The following CNST variants were observed in gnomAD, a reference collection of about 807,000 sequenced individuals.
CNST encodes consortin, connexin sorting protein, also known as consortin.
In CNST, 39 loss-of-function variants were observed where a neutral mutation model predicts 72.4. That is an observed-to-expected ratio of 0.54 (90% CI 0.42 to 0.70). The LOEUF (loss-of-function observed/expected upper bound fraction) is 0.70. CNST is among the 30% of genes least tolerant of loss of function. CNST has a pLI of 0.00. For missense variants in CNST, 871 were observed against 868.5 expected, an observed-to-expected ratio of 1.00 and a Z score of -0.04; for synonymous variants, 332 against 320.1, an observed-to-expected ratio of 1.04 and a Z score of -0.40.
intron 1 of CNST, among the ~76,000 whole-genome samples, chr1:246,584,914 T>G (rs1661036959): frequency 6.6e-6 from 1 of 152,248 alleles, no homozygotes; most frequent in African/African-American, 2.4e-5. Context: ...TTTTGGATTA[T>G]ATACTGAATA....
chr1:246,608,145 C>G (rs1331425680), intron 2 of CNST: 2 of 151,934 alleles, frequency 1.3e-5, no homozygotes, highest in Admixed American at 6.6e-5. Flanking sequence ...ACATAGAGAA[C>G]CTGTCTCTAC....
Position 246,667,873 on chromosome 1 carries a change from G to C in CNST, c.*1968G>C, listed in dbSNP as rs769189832. On this transcript the variant is annotated 3_prime_UTR_variant, in exon 11 of 11. Transcript: ENST00000366513. ...TGTTCACCTCTTGGGTCTCTATCCT[G>C]TGTAACCTCTGGTGTAGTATTTGCC... 6.6e-6 allele frequency: 1 copy of C among 152,136 alleles called. No individual in the cohort carries two copies. The highest frequency in any genetic ancestry group is 1.5e-5 in the Non-Finnish European group (1 of 68,036). The allele number at this position is 152,136 out of a possible 1,614,324, so 9.4% of individuals were successfully genotyped here. A position where few individuals can be genotyped will look rare whatever the true frequency, so the allele number is the denominator to read the frequency against.
intron 1 of CNST, among the ~76,000 whole-genome samples, chr1:246,568,350 C>G (rs1052707157): frequency 6.6e-6 from 1 of 151,772 alleles, no homozygotes; most frequent in African/African-American, 2.4e-5. Flanking sequence ...TATAATATTC[C>G]CTTTTTACAG....
intron 1 of CNST, among the ~76,000 whole-genome samples, chr1:246,575,394 A>G (rs1414062756): frequency 6.6e-6 from 1 of 152,274 alleles, no homozygotes; most frequent in Non-Finnish European, 1.5e-5. Context: ...ATAAAAAGAA[A>G]TGAAGTATCA....
chr1:246,596,397 CAAA>C (rs748839359), intron 2 of CNST, among the ~76,000 whole-genome samples: 1 of 110,376 alleles, frequency 9.1e-6, no homozygotes, highest in Non-Finnish European at 1.9e-5. Flanking sequence ...GATCCTGTCT[CAAA>C]AAAAAAAAAA....
chr1:246,634,249 T>C (rs1664984167), intron 5 of CNST: 1 of 558,954 alleles, frequency 1.8e-6, no homozygotes, highest in African/African-American at 1.9e-5. Context: ...ACTATTTGCA[T>C]TTTTCCTAAT....
At chr1:246,636,701 C>T (rs532667759) in intron 6 of CNST, among the ~76,000 whole-genome samples, 1 of 152,202 alleles carries the variant, frequency 6.6e-6, no homozygotes, top group African/African-American at 2.4e-5. Flanking sequence ...CACTGTTTCC[C>T]TTTTGGACAT....
At chr1:246,608,088 AAAC>A (rs1015027564) in intron 2 of CNST, 1 of 152,190 alleles carries the variant, frequency 6.6e-6, no homozygotes, top group Non-Finnish European at 1.5e-5. Flanking sequence ...TCAAAAAACA[AAAC>A]AACAAGAAAA....
intron 2 of CNST, among the ~76,000 whole-genome samples, chr1:246,605,363 T>A (rs547340713): frequency 2.5e-4 from 38 of 152,256 alleles, no homozygotes; most frequent in African/African-American, 8.4e-4. Flanking sequence ...GTCGCTTGAG[T>A]CCATGAGTTA....
intron 2 of CNST, among the ~76,000 whole-genome samples, chr1:246,600,113 G>A (rs979776210): frequency 6.6e-6 from 1 of 152,202 alleles, no homozygotes; most frequent in African/African-American, 2.4e-5. Context: ...GGACAAAGAG[G>A]AGAGGAAGGA....
At chr1:246,627,893 G>A (rs12134535) in intron 3 of CNST, among the ~76,000 whole-genome samples, 8,574 of 151,482 alleles carry the variant, frequency 0.057, 344 homozygotes, top group Middle Eastern at 0.093. Flanking sequence ...AGAACTCATA[G>A]GATATTTATA....
At position 246,641,954 on chromosome 1, in the gene CNST, A is replaced by G; in HGVS notation, c.854A>G (p.Glu285Gly). ...TAAACTTTTTAGATAGCAGCTGTGG[A>G]GAAGTCCCAGGAAAGGAAATGCTCC... is the stretch of plus-strand genomic sequence containing the variant. ...LLSKHKIAAV[E>G]KSQERKCSTQ... The change falls in exon 8 of 11, where the codon GAG (glutamate) becomes GGG (glycine). Residue 285 changes from glutamate to glycine, a missense_variant. Physicochemically the swap from Glu to Gly is moderately conservative, Grantham distance 98. Coordinates refer to ENST00000366513, the MANE Select transcript of CNST (RefSeq NM_152609.3). 6.2e-7 allele frequency: 1 copy of G among 1,611,262 alleles called. No homozygotes were observed. The highest frequency in any genetic ancestry group is 8.5e-7 in the Non-Finnish European group (1 of 1,178,560).
At chr1:246,637,322 A>G (rs1013071913) in intron 6 of CNST, among the ~76,000 whole-genome samples, 1 of 152,216 alleles carries the variant, frequency 6.6e-6, no homozygotes, top group Non-Finnish European at 1.5e-5. Context: ...CAGGTTGGCC[A>G]ATAAACACGT....
At chr1:246,622,034 G>A (rs1419052108) in intron 3 of CNST, among the ~76,000 whole-genome samples, 1 of 152,102 alleles carries the variant, frequency 6.6e-6, no homozygotes, top group Admixed American at 6.5e-5. Flanking sequence ...AAAATAAAAT[G>A]CAATCTCTGT....
intron 6 of CNST, among the ~76,000 whole-genome samples, chr1:246,640,069 C>G (rs1420765053): frequency 6.6e-6 from 1 of 152,200 alleles, no homozygotes. Context: ...TTCATCCCCC[C>G]AAGCTTTCAG....
intron 9 of CNST, among the ~76,000 whole-genome samples, chr1:246,649,794 G>T (rs892850147): frequency 6.6e-6 from 1 of 150,720 alleles, no homozygotes; most frequent in South Asian, 2.1e-4. Flanking sequence ...TTTTGCTTCT[G>T]CCTGAAAGCT....
At position 246,597,080 on chromosome 1, in the gene CNST, A is replaced by G. The variant is rs934932042; in HGVS notation, c.379+5139A>G. Among the ~76,000 whole-genome samples, 17 of 152,296 alleles carry G rather than the reference A, an allele frequency of 1.1e-4. 1 individual carries two copies. The highest frequency in any genetic ancestry group is 4.1e-4 in the South Asian group (2 of 4,826). On this transcript the variant is annotated intron_variant, in intron 2 of 10. Coordinates refer to ENST00000366513, the MANE Select transcript of CNST (RefSeq NM_152609.3). ...TTCGTTATATATCTCTAGGAGTGGA[A>G]TTGCTGGATCATATGGTAACTTTAT...
chr1:246,591,860 G>A lies in CNST; in HGVS notation c.298G>A (p.Ala100Thr). The A allele has an allele frequency of 1.9e-6, 3 of 1,614,084 alleles. No individual in the cohort carries two copies. The highest frequency in any genetic ancestry group is 2.5e-6 in the Non-Finnish European group (3 of 1,180,022). The change falls in exon 2 of 11, where the codon GCC becomes ACC. Residue 100 changes from alanine to threonine, a missense_variant. Ala to Thr is a moderately conservative substitution (Grantham distance 58). Transcript: ENST00000366513. ...TLCEASRDEQAFLGKDKKIPG... is the reference protein window; with the variant it reads ...TLCEASRDEQTFLGKDKKIPG... ...TTGTGAAGCCTCCAGAGATGAACAG[G>A]CCTTCTTGGGAAAGGACAAAAAAAT...
chr1:246,567,501 C>A (rs924045772), intron 1 of CNST, among the ~76,000 whole-genome samples: 1 of 152,076 alleles, frequency 6.6e-6, no homozygotes, highest in Non-Finnish European at 1.5e-5. Flanking sequence ...TCTTAGAATA[C>A]GTACAATCCT....
Sources: gnomAD v4.1 joint callset for allele counts (sites outside exome capture counted in the v4.1 genomes callset) on GRCh38, gnomAD v4.1.1 for gene constraint, MANE v1.5 for transcripts, NCBI Gene and HGNC (gene_info 2026-07-23, HGNC 2026-07-21) for gene names.